WWC1: variants seen among roughly 807,000 people sequenced by gnomAD.
WWC1 encodes the protein WW and C2 domain containing 1, also known as protein KIBRA.
WWC1 carries 55 observed loss-of-function variants against 138.4 expected under a neutral mutation model. The observed-to-expected ratio is 0.40, with a 90% CI of 0.32 to 0.50. WWC1 has a LOEUF of 0.50. WWC1 is among the 20% of genes least tolerant of loss of function. WWC1 has a pLI of 0.72. For missense variants in WWC1, 1,226 were observed against 1,420.4 expected, an observed-to-expected ratio of 0.86 and a Z score of 2.20; for synonymous variants, 524 against 564.9, an observed-to-expected ratio of 0.93 and a Z score of 1.03.
rs756189642 is a variant in WWC1, at chr5:168,292,316, G to A, written c.119+45G>A. ...CTCCGTGCCCCCACACCCCCGCCTG[G>A]GCCCCCACCTGCCCCTGGAGCCGCC... is the stretch of plus-strand genomic sequence containing the variant. On this transcript the variant is annotated intron_variant, in intron 1 of 22. Coordinates refer to ENST00000265293, the MANE Select transcript of WWC1 (RefSeq NM_015238.3). The surrounding 1 kb of genome is among the most constrained non-coding windows in gnomAD (Gnocchi z 4.4). The A allele has an allele frequency of 1.4e-5, 22 of 1,543,244 alleles. No homozygotes were observed. Among genetic ancestry groups the A allele is most frequent in the Admixed American group, 4.0e-5 (2 of 50,336 alleles).
At chr5:168,410,931 C>CA in intron 8 of WWC1, among the ~76,000 whole-genome samples, 1 of 114,470 alleles carries the variant, frequency 8.7e-6, no homozygotes, top group South Asian at 3.1e-4. Context: ...ATGATCTTTG[C>CA]TTTTTTTTTT....
intron 1 of WWC1, among the ~76,000 whole-genome samples, chr5:168,338,426 G>T (rs1773694272): frequency 6.7e-6 from 1 of 150,126 alleles, no homozygotes; most frequent in South Asian, 2.1e-4. Context: ...TTTTTTTTGG[G>T]GGGGGATTGA....
chr5:168,406,008 T>G (rs1383319436), intron 5 of WWC1, among the ~76,000 whole-genome samples, 190 bp from the exon 6 acceptor site: 1 of 152,000 alleles, frequency 6.6e-6, no homozygotes, highest in East Asian at 1.9e-4. Context: ...ATTACAGGTG[T>G]GAGCCACCAT....
intron 1 of WWC1, among the ~76,000 whole-genome samples, chr5:168,309,622 T>C (rs550855825): frequency 6.6e-6 from 1 of 152,264 alleles, no homozygotes; most frequent in South Asian, 2.1e-4. Context: ...CCTTTTCTGT[T>C]TATTCCTATA....
intron 9 of WWC1, among the ~76,000 whole-genome samples, chr5:168,420,652 G>A (rs953690329): frequency 1.3e-5 from 2 of 152,042 alleles, no homozygotes; most frequent in Non-Finnish European, 2.9e-5. Context: ...CTTCCCCCGG[G>A]ATCCTCTGCC....
intron 10 of WWC1, among the ~76,000 whole-genome samples, chr5:168,423,166 A>C (rs1422789829): frequency 1.3e-5 from 2 of 151,430 alleles, no homozygotes; most frequent in Admixed American, 1.3e-4. Context: ...AAAAAAAAAA[A>C]AAAAAACACA....
rs752028192 is a variant in WWC1 at position 168,385,316 on chromosome 5, A to T, written c.335A>T (p.Glu112Val). ...CAGGAGGCTCTGAGTGCACAAAAGG[A>T]GATCTACCAGGTGAAGCAGCAGCGC... ...VAQEALSAQK[E>V]IYQVKQQRLE... Residue 112 changes from glutamate to valine, a missense_variant, in exon 3 of 23, where the codon GAG becomes GTG. This residue lies in a region of WWC1 where 1,016 missense variants were observed against 1,153.9 expected (regional missense o/e 0.88). Coordinates refer to ENST00000265293, the MANE Select transcript of WWC1 (RefSeq NM_015238.3). The T allele has an allele frequency of 6.2e-7, 1 of 1,614,050 alleles. No homozygotes were observed. Among genetic ancestry groups the T allele is most frequent in the Non-Finnish European group, 8.5e-7 (1 of 1,180,016 alleles).
At chr5:168,421,691 T>C (rs890502046) in intron 9 of WWC1, among the ~76,000 whole-genome samples, 1 of 152,150 alleles carries the variant, frequency 6.6e-6, no homozygotes, top group African/African-American at 2.4e-5. Flanking sequence ...TTTAGGTAAA[T>C]TATACAACTC....
At chr5:168,445,336 G>C (rs1046910374) in intron 17 of WWC1, among the ~76,000 whole-genome samples, 1 of 151,726 alleles carries the variant, frequency 6.6e-6, no homozygotes, top group Non-Finnish European at 1.5e-5. Context: ...TGTAATCCCA[G>C]CTATTCGGGA....
At chr5:168,426,443 C>A (rs993606554) in intron 11 of WWC1, among the ~76,000 whole-genome samples, 2 of 152,196 alleles carry the variant, frequency 1.3e-5, no homozygotes, top group African/African-American at 4.8e-5. Context: ...CCTCAGACAG[C>A]ACATTAGGCT....
chr5:168,418,181 G>A (rs1313482643), intron 9 of WWC1, among the ~76,000 whole-genome samples: 4 of 152,152 alleles, frequency 2.6e-5, no homozygotes, highest in African/African-American at 9.7e-5. Context: ...ACATCCAGGA[G>A]AGGCCGACTG....
intron 19 of WWC1, among the ~76,000 whole-genome samples, chr5:168,460,196 C>A (rs776777884): frequency 6.6e-6 from 1 of 152,142 alleles, no homozygotes; most frequent in Admixed American, 6.5e-5. Flanking sequence ...TCCATAGACA[C>A]CAGGGAAGAG....
intron 1 of WWC1, among the ~76,000 whole-genome samples, chr5:168,352,862 G>A (rs1175373308): frequency 6.6e-6 from 1 of 152,008 alleles, no homozygotes; most frequent in Non-Finnish European, 1.5e-5. Context: ...GGGATTACAG[G>A]CATGAGCCAC....
chr5:168,367,571 G>A (rs1013593273), intron 1 of WWC1, among the ~76,000 whole-genome samples: 11 of 151,202 alleles, frequency 7.3e-5, no homozygotes, highest in Admixed American at 2.0e-4. Flanking sequence ...CGCCCGCCTC[G>A]GCCTCCCAAA....
intron 11 of WWC1, among the ~76,000 whole-genome samples, chr5:168,426,681 C>T (rs1459687817): frequency 6.6e-6 from 1 of 152,242 alleles, no homozygotes; most frequent in Non-Finnish European, 1.5e-5. Flanking sequence ...GACGCAGGCT[C>T]AGCTTCCCCA....
chr5:168,445,426 G>A (rs565422690), intron 17 of WWC1, among the ~76,000 whole-genome samples: 57 of 150,748 alleles, frequency 3.8e-4, no homozygotes, highest in African/African-American at 1.1e-3. Context: ...GAGGCCAGGC[G>A]TGGTGGCTCA....
chr5:168,365,538 GCA>G (rs1776220168), intron 1 of WWC1, among the ~76,000 whole-genome samples: 1 of 152,160 alleles, frequency 6.6e-6, no homozygotes, highest in African/African-American at 2.4e-5. Context: ...CTTAGAAAAG[GCA>G]CATTGTCAGA....
intron 17 of WWC1, among the ~76,000 whole-genome samples, chr5:168,452,751 CCTT>C (rs1478634822): frequency 1.4e-5 from 2 of 138,666 alleles, no homozygotes. Context: ...ACTAAACTCT[CCTT>C]CTCTCCCTCT....
intron 17 of WWC1, among the ~76,000 whole-genome samples, chr5:168,450,572 G>A (rs1025147947): frequency 7.9e-5 from 12 of 151,930 alleles, no homozygotes; most frequent in African/African-American, 2.9e-4. Context: ...AGGCTGAGGC[G>A]GGAGAATTGC....
Sources: allele counts gnomAD v4.1 joint callset (sites outside exome capture counted in the v4.1 genomes callset), GRCh38; gene constraint gnomAD v4.1.1; regional missense constraint gnomAD v4.1.1; non-coding constraint Gnocchi (gnomAD v3.1); transcripts MANE v1.5; gene names NCBI Gene and HGNC (gene_info 2026-07-23, HGNC 2026-07-21).